The following DCUN1D2 variants were observed in gnomAD, a reference collection of about 807,000 sequenced individuals.
DCUN1D2 encodes the protein defective in cullin neddylation 1 domain containing 2.
DCUN1D2 carries 29 observed loss-of-function variants against 30.9 expected under a neutral mutation model. That is an observed-to-expected ratio of 0.94 (90% confidence interval 0.70 to 1.28). The LOEUF is 1.28. Ranked by LOEUF, DCUN1D2 falls within the 50% of genes most tolerant of loss-of-function variation. The pLI, the probability that DCUN1D2 is intolerant of heterozygous loss-of-function variation, is 0.00. For synonymous variants in DCUN1D2, 121 were observed against 115.3 expected, an observed-to-expected ratio of 1.05 and a Z score of -0.32; for missense variants, 325 against 316.9, an observed-to-expected ratio of 1.03 and a Z score of -0.19.
intron 2 of DCUN1D2, among the ~76,000 whole-genome samples, chr13:113,483,538 C>T (rs2044746108): frequency 6.6e-6 from 1 of 152,250 alleles, no homozygotes; most frequent in African/African-American, 2.4e-5. Context: ...CTCCCAGCAG[C>T]AGCTTTTCCC....
intron 2 of DCUN1D2, among the ~76,000 whole-genome samples, chr13:113,482,637 C>T (rs1018163740): frequency 1.3e-5 from 2 of 151,992 alleles, no homozygotes; most frequent in African/African-American, 4.8e-5. Context: ...AAGTAAAAAA[C>T]GAAAGTAATA....
rs973815487 is a variant in DCUN1D2, at chr13:113,456,160, G to A, written c.*1869C>T. The stretch of plus-strand genomic sequence containing the variant: ...ATTAGACAAATGCTCTCTGAGAATC[G>A]AAGACTTCTAAAGGTAGACAGGCCC... On this transcript the variant is annotated 3_prime_UTR_variant, in exon 7 of 7. Transcript: ENST00000478244. The A allele has an allele frequency of 5.0e-6, 2 of 398,414 alleles. No individual in the cohort carries two copies. The highest frequency in any genetic ancestry group is 2.1e-5 in the African/African-American group (1 of 48,608). The allele number at this position is 398,414 out of a possible 1,614,324, so 24.7% of individuals were successfully genotyped here.
At chr13:113,462,802 T>A (rs763795834) in intron 4 of DCUN1D2, 1 of 1,194,072 alleles carries the variant, frequency 8.4e-7, no homozygotes, top group South Asian at 1.6e-5. Context: ...TAAGTCTACA[T>A]CCTTATCACT....
At chr13:113,480,048 T>C (rs138067658) in intron 3 of DCUN1D2, among the ~76,000 whole-genome samples, 48 of 152,342 alleles carry the variant, frequency 3.2e-4, no homozygotes, top group Non-Finnish European at 2.2e-4. Context: ...TGTAGTTCAG[T>C]AAGCTTAATG....
intron 4 of DCUN1D2, among the ~76,000 whole-genome samples, chr13:113,462,463 G>T (rs941715113): frequency 6.6e-6 from 1 of 151,926 alleles, no homozygotes; most frequent in African/African-American, 2.4e-5. Flanking sequence ...TTCTCAAAAG[G>T]TTTTTTTCTA....
At chr13:113,460,579 A>T (rs2044302405) in intron 5 of DCUN1D2, among the ~76,000 whole-genome samples, 1 of 152,216 alleles carries the variant, frequency 6.6e-6, no homozygotes, top group Admixed American at 6.5e-5. Flanking sequence ...GCATGGTGAG[A>T]CACACTTAGA....
At chr13:113,459,432 ACCC>A in intron 5 of DCUN1D2, 24 bp from the exon 6 acceptor site, 1 of 1,128,352 alleles carries the variant, frequency 8.9e-7, no homozygotes, top group Non-Finnish European at 1.3e-6. Context: ...GAAAAAAAAA[ACCC>A]ACCAGGTTTA....
intron 4 of DCUN1D2, among the ~76,000 whole-genome samples, chr13:113,464,727 G>A (rs932118462): frequency 1.1e-4 from 16 of 152,360 alleles, no homozygotes; most frequent in Admixed American, 1.0e-3. Flanking sequence ...AGAGCAGCAC[G>A]GATGGAAGAG....
chr13:113,469,488 C>T (rs1452562155), intron 4 of DCUN1D2, among the ~76,000 whole-genome samples: 2 of 151,772 alleles, frequency 1.3e-5, no homozygotes, highest in African/African-American at 2.4e-5. Flanking sequence ...GAGACCAGCC[C>T]GGGCAACACA....
chr13:113,460,644 G>C (rs755617946), intron 5 of DCUN1D2, among the ~76,000 whole-genome samples: 1 of 152,220 alleles, frequency 6.6e-6, no homozygotes, highest in Admixed American at 6.5e-5. Context: ...CATACAATCC[G>C]CAGTTCCGGA....
In DCUN1D2 at chr13:113,461,074, G is replaced by A; in HGVS notation, c.583C>T (p.Leu195Phe). 2 of 1,608,964 alleles carry A rather than the reference G, an allele frequency of 1.2e-6. No individual in the cohort carries two copies. Among genetic ancestry groups the A allele is most frequent in the Non-Finnish European group, 1.7e-6 (2 of 1,176,142 alleles). Residue 195 changes from leucine to phenylalanine, a missense_variant, in exon 5 of 7, where the codon CTC (leucine) becomes TTC (phenylalanine). By Grantham distance (22) the Leu-to-Phe change is conservative (BLOSUM62 0). Transcript: ENST00000478244. ...CTTACCATTAAGAATGTGTTCCAGA[G>A]ATCTAAAAATTTAAACCTTCCAGAT... is the stretch of plus-strand genomic sequence containing the variant. Reference protein sequence around the residue: ...VLSGRFKFLDLWNTFLMEHHK... With the variant: ...VLSGRFKFLDFWNTFLMEHHK...
chr13:113,483,786 C>CA, intron 2 of DCUN1D2, 54 bp downstream of exon 2: 1 of 1,565,764 alleles, frequency 6.4e-7, no homozygotes, highest in Non-Finnish European at 8.7e-7. Context: ...GTGCAGCGCG[C>CA]AGGCCGCTCG....
At position 113,490,450 on chromosome 13, in the gene DCUN1D2, G is replaced by A. The variant is rs1254863018; in HGVS notation, c.3+217C>T. ...CCGCTCACTCCCGGTCGTCCCTCGC[G>A]GCTCCGGGTCAAACCCGCGCTCCCC... On this transcript the variant is annotated intron_variant, in intron 1 of 6. Transcript: ENST00000478244. The surrounding 1 kb of genome is among the most constrained non-coding windows in gnomAD (Gnocchi z 5.2). 3 of 410,134 alleles carry A rather than the reference G, an allele frequency of 7.3e-6. No homozygotes were observed. Among genetic ancestry groups the A allele is most frequent in the Non-Finnish European group, 1.2e-5 (3 of 244,798 alleles). The allele number at this position is 410,134 out of a possible 1,614,324, so 25.4% of individuals were successfully genotyped here.
rs1357750542 is a variant in DCUN1D2 at position 113,457,978 on chromosome 13, C to T, written c.*51G>A. ...TGCACCCAGGAACTGACTGCAATCT[C>T]CTTGCAGGATACAAATCATTTCATA... On this transcript the variant is annotated 3_prime_UTR_variant, in exon 7 of 7. Coordinates refer to ENST00000478244, the MANE Select transcript of DCUN1D2 (RefSeq NM_001014283.2). 2 of 1,530,706 alleles carry T rather than the reference C, an allele frequency of 1.3e-6. No homozygotes were observed. Among genetic ancestry groups the T allele is most frequent in the African/African-American group, 1.4e-5 (1 of 73,274 alleles). The allele number at this position is 1,530,706 out of a possible 1,614,324, so 94.8% of individuals were successfully genotyped here.
In DCUN1D2 at chr13:113,474,204, T is replaced by A; in HGVS notation, c.440A>T (p.Glu147Val). ...LKALLPRLEQELKDTAKFKDF... is the reference protein window; with the variant it reads ...LKALLPRLEQVLKDTAKFKDF... The stretch of plus-strand genomic sequence containing the variant: ...TTTAAACTTGGCTGTGTCCTTCAGC[T>A]CCTGCTCCAGTCTTGGCAGAAGAGC... The change falls in exon 4 of 7, where the codon GAG (glutamate) becomes GTG (valine). Residue 147 changes from glutamate to valine, a missense_variant. Transcript: ENST00000478244. The A allele has an allele frequency of 3.7e-6, 6 of 1,614,172 alleles. No homozygotes were observed. Among genetic ancestry groups the A allele is most frequent in the Non-Finnish European group, 5.1e-6 (6 of 1,180,006 alleles).
intron 5 of DCUN1D2, 23 bp downstream of exon 5, chr13:113,461,031 G>A (rs752370240): frequency 2.0e-6 from 3 of 1,524,580 alleles, no homozygotes; most frequent in Non-Finnish European, 2.7e-6. Flanking sequence ...TGGGCACACA[G>A]CGAGATGCAG....
intron 4 of DCUN1D2, among the ~76,000 whole-genome samples, chr13:113,468,746 A>T (rs545359571): frequency 6.6e-6 from 1 of 152,338 alleles, no homozygotes; most frequent in South Asian, 2.1e-4. Flanking sequence ...TGCAGCAATT[A>T]GAAAGCAAAG....
At chr13:113,490,790 C>T (rs2044964537), upstream of DCUN1D2, 8 of 946,438 alleles carry the variant, frequency 8.5e-6, no homozygotes, top group South Asian at 3.7e-4. The surrounding 1 kb of genome is among the most constrained non-coding windows in gnomAD (Gnocchi z 5.2). Flanking sequence ...GAGCCGGCCG[C>T]GGGGACTCCC....
At chr13:113,463,465 G>A (rs1286599422) in intron 4 of DCUN1D2, among the ~76,000 whole-genome samples, 1 of 151,850 alleles carries the variant, frequency 6.6e-6, no homozygotes, top group Non-Finnish European at 1.5e-5. Flanking sequence ...GCCGCGGCAG[G>A]AGGATCACTT....
Sources: gnomAD v4.1 joint callset for allele counts (sites outside exome capture counted in the v4.1 genomes callset) on GRCh38, gnomAD v4.1.1 for gene constraint, Gnocchi (gnomAD v3.1) non-coding constraint, MANE v1.5 for transcripts, NCBI Gene and HGNC (gene_info 2026-07-23, HGNC 2026-07-21) for gene names.